Variants in CADM1 observed in about 807,000 individuals in gnomAD.
The protein encoded by CADM1 is cell adhesion molecule 1.
In CADM1, 15 loss-of-function variants were observed where a neutral mutation model predicts 53.1. The observed-to-expected ratio is 0.28, with a 90% CI of 0.19 to 0.44. The LOEUF (loss-of-function observed/expected upper bound fraction) is 0.44, where lower values mean the gene tolerates loss of function less well. Among genes scored for constraint, CADM1 ranks in the 20% least tolerant of loss-of-function variants. The pLI is 1.00. For synonymous variants in CADM1, 281 were observed against 243.0 expected (o/e 1.16, Z -1.45); for missense variants, 434 against 611.3 (o/e 0.71, Z 3.06).
At chr11:115,215,740 T>G (rs1941155091) in intron 6 of CADM1, among the ~76,000 whole-genome samples, 1 of 152,202 alleles carries the variant, frequency 6.6e-6, no homozygotes, top group South Asian at 2.1e-4. Flanking sequence ...TCCCTCAACC[T>G]CCTATGAAGT....
At chr11:115,465,286 T>G (rs1948875262) in intron 1 of CADM1, among the ~76,000 whole-genome samples, 1 of 152,152 alleles carries the variant, frequency 6.6e-6, no homozygotes, top group African/African-American at 2.4e-5. Context: ...GATTACCCAA[T>G]AACTTACTGC....
intron 1 of CADM1, among the ~76,000 whole-genome samples, chr11:115,393,793 A>G (rs757920759): frequency 3.9e-5 from 6 of 152,192 alleles, no homozygotes; most frequent in Non-Finnish European, 5.9e-5. Context: ...ATGAGAAAAT[A>G]CAAAGCATTA....
intron 1 of CADM1, among the ~76,000 whole-genome samples, chr11:115,311,347 T>A (rs1944527450): frequency 6.6e-6 from 1 of 152,092 alleles, no homozygotes. Flanking sequence ...TGTGAGGCAC[T>A]GGGCTAAGCA....
chr11:115,303,634 A>G (rs771152756), intron 1 of CADM1, among the ~76,000 whole-genome samples: 2 of 152,068 alleles, frequency 1.3e-5, no homozygotes, highest in African/African-American at 2.4e-5. Context: ...GCACTTTGTC[A>G]TAGTGTACAG....
chr11:115,183,594 A>T lies in CADM1; in HGVS notation c.1166-4819T>A, dbSNP rs146866188. On this transcript the variant is annotated intron_variant, in intron 10 of 11. Coordinates refer to ENST00000331581, the MANE Select transcript of CADM1 (RefSeq NM_001301043.2). ...GTCCAAGGTCAGTCTTTTTGCCAAA[A>T]GGACACCAAGATTTCTACCTCTGAG... 9.2e-5 allele frequency among the ~76,000 whole-genome samples: 14 copies of T among 152,304 alleles called. No individual in the cohort carries two copies. The East Asian group carries it at 2.3e-3, about 25-fold the overall frequency.
intron 1 of CADM1, among the ~76,000 whole-genome samples, chr11:115,338,797 G>A (rs1945334171): frequency 6.6e-6 from 1 of 151,676 alleles, no homozygotes; most frequent in African/African-American, 2.4e-5. Context: ...GAGGGGAGGA[G>A]ACTGCAAGTG....
At chr11:115,207,466 G>T (rs1368378675) in intron 8 of CADM1, among the ~76,000 whole-genome samples, 10 of 152,066 alleles carry the variant, frequency 6.6e-5, no homozygotes, top group African/African-American at 2.4e-4. Flanking sequence ...AGCTGTTTGA[G>T]GACATAAGAT....
intron 6 of CADM1, among the ~76,000 whole-genome samples, chr11:115,217,580 G>A (rs7106961): frequency 0.11 from 16,739 of 152,076 alleles, 2,024 homozygotes; most frequent in East Asian, 0.33. Context: ...AGATTGTAGG[G>A]ACACCAATAA....
chr11:115,503,896 C>A (rs1188465404), intron 1 of CADM1, among the ~76,000 whole-genome samples: 1 of 152,038 alleles, frequency 6.6e-6, no homozygotes, highest in East Asian at 1.9e-4. Flanking sequence ...CTGCAAGTTA[C>A]GGGGAGAACG....
At chr11:115,342,594 A>T (rs1945477632) in intron 1 of CADM1, among the ~76,000 whole-genome samples, 1 of 152,100 alleles carries the variant, frequency 6.6e-6, no homozygotes, top group Non-Finnish European at 1.5e-5. Flanking sequence ...CACTATCTTC[A>T]TCTATCAAAA....
chr11:115,277,003 T>C (rs1187732484), intron 1 of CADM1, among the ~76,000 whole-genome samples: 1 of 152,160 alleles, frequency 6.6e-6, no homozygotes, highest in Non-Finnish European at 1.5e-5. Context: ...CAAGATTGCA[T>C]CCAGTAAATT....
chr11:115,220,791 T>C (rs1022871116), intron 5 of CADM1, among the ~76,000 whole-genome samples: 4 of 152,104 alleles, frequency 2.6e-5, no homozygotes, highest in African/African-American at 9.7e-5. Context: ...AACTTAAGCG[T>C]TTTCAACAGG....
At position 115,175,994 on chromosome 11, in the gene CADM1, C is replaced by T; in HGVS notation, c.*480G>A. The T allele has an allele frequency of 2.9e-6, 3 of 1,039,294 alleles. No homozygotes were observed. The highest frequency in any genetic ancestry group is 2.3e-6 in the Non-Finnish European group (2 of 863,606). The allele number at this position is 1,039,294 out of a possible 1,614,324, so 64.4% of individuals were successfully genotyped here. A position where few individuals can be genotyped will look rare whatever the true frequency, so the allele number is the denominator to read the frequency against. ...CTGAATTTGGAACAGAAAGCAGTTA[C>T]CATAAAAATAAACAAAAGTAAAAAA... On this transcript the variant is annotated 3_prime_UTR_variant, in exon 12 of 12. Coordinates refer to ENST00000331581, the MANE Select transcript of CADM1 (RefSeq NM_001301043.2).
chr11:115,370,683 C>A (rs1363061902), intron 1 of CADM1, among the ~76,000 whole-genome samples: 1 of 152,138 alleles, frequency 6.6e-6, no homozygotes. Flanking sequence ...GTTTAAGCCA[C>A]CCACACTATG....
chr11:115,211,037 CG>C (rs1275876152), intron 7 of CADM1, among the ~76,000 whole-genome samples: 1 of 124,922 alleles, frequency 8.0e-6, no homozygotes, highest in Non-Finnish European at 2.0e-5. Flanking sequence ...AAAAGGATGT[CG>C]TTTAAAAAAA....
intron 1 of CADM1, among the ~76,000 whole-genome samples, chr11:115,360,241 C>G (rs1945991746): frequency 6.6e-6 from 1 of 152,222 alleles, no homozygotes; most frequent in Non-Finnish European, 1.5e-5. Flanking sequence ...ACTGAGCCAT[C>G]TAAAAACAAC....
Position 115,209,534 on chromosome 11 carries a change from T to C in CADM1, c.1078+40A>G, listed in dbSNP as rs896339248. 4 of 1,602,468 alleles carry C rather than the reference T, an allele frequency of 2.5e-6. No homozygotes were observed. In the East Asian group the frequency reaches 9.0e-5, roughly 36 times the overall value. ...TTTTATACATACCAGAAAGACAATA[T>C]ACATTCAGGACATTTTCAATGGTAA... On this transcript the variant is annotated intron_variant, in intron 8 of 11. Coordinates refer to ENST00000331581, the MANE Select transcript of CADM1 (RefSeq NM_001301043.2).
intron 1 of CADM1, among the ~76,000 whole-genome samples, chr11:115,466,317 C>A (rs1208932791): frequency 6.6e-6 from 1 of 152,194 alleles, no homozygotes; most frequent in Non-Finnish European, 1.5e-5. Context: ...CTCATGTCAA[C>A]ATCAATGTAC....
intron 1 of CADM1, among the ~76,000 whole-genome samples, chr11:115,300,980 C>T (rs1944205240): frequency 6.6e-6 from 1 of 152,038 alleles, no homozygotes; most frequent in Admixed American, 6.6e-5. Context: ...TTTGCCTCCA[C>T]CGCCCCCCCA....
Sources: allele counts gnomAD v4.1 joint callset (sites outside exome capture counted in the v4.1 genomes callset), GRCh38; gene constraint gnomAD v4.1.1; transcripts MANE v1.5; gene names NCBI Gene and HGNC (gene_info 2026-07-23, HGNC 2026-07-21).